Variants in WDR70 observed in about 807,000 individuals in gnomAD.
The protein encoded by WDR70 is WD repeat domain 70.
Under a neutral mutation model 88.6 loss-of-function variants are expected in WDR70, and 53 were observed. That is an observed-to-expected ratio of 0.60 (90% CI 0.48 to 0.75). The LOEUF is 0.75. Ranked by LOEUF, WDR70 falls within the 30% of genes least tolerant of loss-of-function variation. WDR70 has a pLI of 0.00. For synonymous variants in WDR70, 280 were observed against 270.0 expected (o/e 1.04, Z -0.36); for missense variants, 610 against 823.2 (o/e 0.74, Z 3.17).
chr5:37,502,284 T>C (rs1740426341), intron 8 of WDR70, among the ~76,000 whole-genome samples: 1 of 152,164 alleles, frequency 6.6e-6, no homozygotes, highest in Non-Finnish European at 1.5e-5. Flanking sequence ...TCTTGCCTGA[T>C]TGCTCTAGCT....
intron 7 of WDR70, among the ~76,000 whole-genome samples, chr5:37,475,005 A>C (rs1003607915): frequency 1.3e-5 from 2 of 150,676 alleles, no homozygotes; most frequent in Non-Finnish European, 3.0e-5. Context: ...CGCAATCTGC[A>C]CCTCTCAGAT....
At chr5:37,423,009 A>C (rs1749993351) in intron 5 of WDR70, among the ~76,000 whole-genome samples, 1 of 152,132 alleles carries the variant, frequency 6.6e-6, no homozygotes. Flanking sequence ...AGAGCCATTG[A>C]AGGTTTTTGA....
intron 10 of WDR70, among the ~76,000 whole-genome samples, chr5:37,664,076 A>G (rs893928283): frequency 6.6e-6 from 1 of 152,156 alleles, no homozygotes; most frequent in Admixed American, 6.5e-5. Context: ...TGCAATTTAA[A>G]TTGCTGTCTT....
chr5:37,721,609 T>A (rs761884394), intron 14 of WDR70: 18 of 175,210 alleles, frequency 1.0e-4, no homozygotes, highest in Non-Finnish European at 2.0e-4. Flanking sequence ...TGCTTCTTTC[T>A]TTTTTGGCTT....
At chr5:37,566,829 C>G (rs1742754609) in intron 9 of WDR70, among the ~76,000 whole-genome samples, 1 of 152,072 alleles carries the variant, frequency 6.6e-6, no homozygotes, top group Non-Finnish European at 1.5e-5. Flanking sequence ...GCACTTGGAC[C>G]AAAGATTCTG....
intron 10 of WDR70, among the ~76,000 whole-genome samples, chr5:37,639,011 A>T (rs9885097): frequency 0.019 from 2,858 of 152,300 alleles, 82 homozygotes; most frequent in African/African-American, 0.065. Flanking sequence ...GCAAAATTAG[A>T]CTATTCACTG....
chr5:37,589,344 A>T, intron 9 of WDR70, among the ~76,000 whole-genome samples: 1 of 152,096 alleles, frequency 6.6e-6, no homozygotes, highest in Admixed American at 6.6e-5. Context: ...ATAAGTATGT[A>T]TGCATAATAT....
At chr5:37,542,816 G>A (rs1006945190) in intron 9 of WDR70, among the ~76,000 whole-genome samples, 8 of 152,166 alleles carry the variant, frequency 5.3e-5, no homozygotes, top group Non-Finnish European at 1.2e-4. Context: ...ATTATTAGGT[G>A]ATATGACTCA....
intron 9 of WDR70, among the ~76,000 whole-genome samples, chr5:37,520,921 T>C (rs1313646597): frequency 5.3e-5 from 8 of 152,198 alleles, no homozygotes; most frequent in Admixed American, 2.6e-4. Context: ...GTGCAGTGTC[T>C]TAAGAAAATG....
intron 10 of WDR70, among the ~76,000 whole-genome samples, chr5:37,674,360 T>C (rs1390747761): frequency 6.6e-6 from 1 of 152,082 alleles, no homozygotes; most frequent in Admixed American, 6.5e-5. Flanking sequence ...ATTAGGTATA[T>C]CTCCTAATGC....
chr5:37,611,395 A>G (rs1013848422), intron 10 of WDR70, among the ~76,000 whole-genome samples: 9 of 152,020 alleles, frequency 5.9e-5, no homozygotes, highest in African/African-American at 2.2e-4. Context: ...TTCCCTATGT[A>G]TGTGTACTAA....
intron 9 of WDR70, among the ~76,000 whole-genome samples, chr5:37,573,621 A>G (rs924697636): frequency 1.4e-5 from 2 of 147,420 alleles, no homozygotes; most frequent in East Asian, 4.1e-4. Context: ...ATGAATGAGA[A>G]CATGCGGTGT....
At chr5:37,467,749 C>T (rs935559101) in intron 7 of WDR70, among the ~76,000 whole-genome samples, 4 of 150,708 alleles carry the variant, frequency 2.7e-5, no homozygotes, top group Non-Finnish European at 4.4e-5. Flanking sequence ...GAGATGGAGT[C>T]TCTTTCTCCC....
chr5:37,383,606 G>A (rs1478971972), intron 3 of WDR70, among the ~76,000 whole-genome samples: 3 of 151,202 alleles, frequency 2.0e-5, no homozygotes, highest in Middle Eastern at 3.5e-3. Context: ...TTGAGATGGC[G>A]TCTCGCTCTG....
intron 17 of WDR70, among the ~76,000 whole-genome samples, chr5:37,749,334 A>C (rs1286890944): frequency 2.0e-5 from 3 of 152,202 alleles, no homozygotes; most frequent in Non-Finnish European, 4.4e-5. Flanking sequence ...CATCATCCTC[A>C]GCAAACTACA....
intron 13 of WDR70, among the ~76,000 whole-genome samples, chr5:37,718,138 C>T (rs1270673537): frequency 1.3e-5 from 2 of 152,164 alleles, no homozygotes; most frequent in African/African-American, 2.4e-5. Flanking sequence ...TCTGTAAGAA[C>T]ATATACTAAT....
chr5:37,434,838 G>T (rs1750421272), intron 5 of WDR70, among the ~76,000 whole-genome samples: 1 of 152,104 alleles, frequency 6.6e-6, no homozygotes, highest in African/African-American at 2.4e-5. Flanking sequence ...TTACTTCATC[G>T]AAGTCAAATA....
chr5:37,498,553 C>G (rs1249075804), intron 8 of WDR70, among the ~76,000 whole-genome samples: 1 of 152,206 alleles, frequency 6.6e-6, no homozygotes, highest in Non-Finnish European at 1.5e-5. Context: ...TACCAACTAC[C>G]TACTTGACAA....
chr5:37,391,952 A>G, intron 3 of WDR70, 48 bp from the exon 4 acceptor site: 1 of 1,573,242 alleles, frequency 6.4e-7, no homozygotes. Flanking sequence ...CATATTTTGA[A>G]TTGTAACCGT....
Sources: allele counts gnomAD v4.1 joint callset (sites outside exome capture counted in the v4.1 genomes callset), GRCh38; gene constraint gnomAD v4.1.1; transcripts MANE v1.5; gene names NCBI Gene and HGNC (gene_info 2026-07-23, HGNC 2026-07-21).